Variants in CCDC192 observed in about 807,000 individuals in gnomAD.
The protein encoded by CCDC192 is coiled-coil domain containing 192, also known as coiled-coil domain-containing protein 192.
At chr5:127,817,278 C>T (rs1749069610) in intron 5 of CCDC192, among the ~76,000 whole-genome samples, 4 of 152,148 alleles carry the variant, frequency 2.6e-5, no homozygotes, top group Admixed American at 2.0e-4. Flanking sequence ...TATGACCCAG[C>T]AGTTCTGTTC....
chr5:127,722,616 A>C (rs998305036), intron 2 of CCDC192, among the ~76,000 whole-genome samples: 2 of 152,090 alleles, frequency 1.3e-5, no homozygotes, highest in African/African-American at 4.8e-5. Context: ...TCTTTCATCC[A>C]TTTTGATTTG....
intron 5 of CCDC192, among the ~76,000 whole-genome samples, chr5:127,854,677 C>G (rs1408269944): frequency 6.6e-6 from 1 of 152,120 alleles, no homozygotes; most frequent in Non-Finnish European, 1.5e-5. Flanking sequence ...AGCCAAATTC[C>G]AAGTCACATA....
intron 3 of CCDC192, among the ~76,000 whole-genome samples, chr5:127,780,156 T>C (rs974539574): frequency 5.3e-5 from 8 of 152,028 alleles, no homozygotes; most frequent in African/African-American, 1.7e-4. Flanking sequence ...CACACATATA[T>C]ACGTATACGC....
intron 2 of CCDC192, among the ~76,000 whole-genome samples, chr5:127,730,725 A>G (rs754603061): frequency 2.0e-5 from 3 of 152,204 alleles, no homozygotes; most frequent in Non-Finnish European, 4.4e-5. Context: ...ATGCAAATCA[A>G]TAAATGTAAT....
intron 5 of CCDC192, among the ~76,000 whole-genome samples, chr5:127,874,894 C>A (rs1379900078): frequency 6.6e-6 from 1 of 152,112 alleles, no homozygotes; most frequent in Non-Finnish European, 1.5e-5. Context: ...GATTATGTAA[C>A]AAGTTCCTAA....
chr5:127,825,620 A>G (rs560784869), intron 5 of CCDC192, among the ~76,000 whole-genome samples: 106 of 152,360 alleles, frequency 7.0e-4, no homozygotes, highest in South Asian at 2.5e-3. Context: ...TCCTCCTGAC[A>G]GGTCTCTAAC....
At chr5:127,835,441 G>T (rs1287821844) in intron 5 of CCDC192, among the ~76,000 whole-genome samples, 1 of 152,160 alleles carries the variant, frequency 6.6e-6, no homozygotes, top group Admixed American at 6.5e-5. Flanking sequence ...TCCTTTGCAT[G>T]CTGGATGTCT....
At chr5:127,747,677 A>C (rs373405228) in intron 2 of CCDC192, among the ~76,000 whole-genome samples, 3 of 151,782 alleles carry the variant, frequency 2.0e-5, no homozygotes, top group Non-Finnish European at 4.4e-5. Flanking sequence ...CTGGGGAATC[A>C]CCACACTGAC....
At chr5:127,759,191 G>C (rs545306470) in intron 3 of CCDC192, among the ~76,000 whole-genome samples, 35 of 152,232 alleles carry the variant, frequency 2.3e-4, no homozygotes, top group African/African-American at 6.3e-4. Context: ...AGTTACATAG[G>C]GCTGTTGTGA....
At chr5:127,840,754 G>A (rs1256606100) in intron 5 of CCDC192, among the ~76,000 whole-genome samples, 1 of 152,162 alleles carries the variant, frequency 6.6e-6, no homozygotes, top group Non-Finnish European at 1.5e-5. Flanking sequence ...ACTAGTGAAA[G>A]AGAAAGAGTT....
intron 6 of CCDC192, among the ~76,000 whole-genome samples, chr5:127,910,508 T>G (rs993180823): frequency 6.6e-6 from 1 of 152,210 alleles, no homozygotes; most frequent in Non-Finnish European, 1.5e-5. Flanking sequence ...TGCTTATAAA[T>G]GGTTGGGTGT....
chr5:127,708,021 A>G (rs905582267), intron 2 of CCDC192, among the ~76,000 whole-genome samples: 11 of 152,114 alleles, frequency 7.2e-5, no homozygotes, highest in African/African-American at 4.8e-5. Flanking sequence ...TTATTTTGAC[A>G]TGTAATAAAT....
intron 5 of CCDC192, among the ~76,000 whole-genome samples, chr5:127,856,397 G>A (rs1751099165): frequency 6.6e-6 from 1 of 152,174 alleles, no homozygotes; most frequent in African/African-American, 2.4e-5. Flanking sequence ...AAATGTTGTG[G>A]CTGGTTTGGT....
chr5:127,807,656 T>G (rs1757863706), intron 5 of CCDC192, among the ~76,000 whole-genome samples: 1 of 152,150 alleles, frequency 6.6e-6, no homozygotes, highest in Admixed American at 6.6e-5. Context: ...AAGAAAATCA[T>G]TTCCAAAAGA....
intron 6 of CCDC192, among the ~76,000 whole-genome samples, 196 bp downstream of exon 6, chr5:127,875,857 C>T (rs928448718): frequency 6.6e-5 from 10 of 151,908 alleles, no homozygotes; most frequent in Admixed American, 3.9e-4. Flanking sequence ...AATGAATAAG[C>T]GGTTTGCTCG....
At chr5:127,842,349 C>T (rs1242972455) in intron 5 of CCDC192, among the ~76,000 whole-genome samples, 1 of 152,154 alleles carries the variant, frequency 6.6e-6, no homozygotes, top group Non-Finnish European at 1.5e-5. Flanking sequence ...CTCGAAGTAG[C>T]TGGGATGACA....
chr5:127,939,110 CTTTTTTTTTT>C (rs59545987), intron 6 of CCDC192, among the ~76,000 whole-genome samples: 3 of 83,620 alleles, frequency 3.6e-5, no homozygotes, highest in Non-Finnish European at 4.4e-5. Flanking sequence ...AAACCAACAT[CTTTTTTTTTT>C]TTTTTTTTTT....
intron 3 of CCDC192, among the ~76,000 whole-genome samples, chr5:127,758,545 T>C (rs1754738885): frequency 6.6e-6 from 1 of 152,222 alleles, no homozygotes. Flanking sequence ...GAAAGTGTCA[T>C]TTGGCTCCAA....
chr5:127,898,097 C>G (rs1218391538), intron 6 of CCDC192, among the ~76,000 whole-genome samples: 1 of 151,840 alleles, frequency 6.6e-6, no homozygotes, highest in African/African-American at 2.4e-5. Context: ...CTGAAAGAGA[C>G]CTTAATATGG....
Sources: allele counts gnomAD v4.1 joint callset (sites outside exome capture counted in the v4.1 genomes callset), GRCh38; gene constraint gnomAD v4.1.1; transcripts MANE v1.5; gene names NCBI Gene and HGNC (gene_info 2026-07-23, HGNC 2026-07-21).